The following MDGA2 variants were observed in gnomAD, a reference collection of about 807,000 sequenced individuals.
MDGA2 encodes the protein MAM domain-containing glycosylphosphatidylinositol anchor protein 2.
Under a neutral mutation model 117.8 loss-of-function variants are expected in MDGA2, and 40 were observed. That is an observed-to-expected ratio of 0.34 (90% CI 0.26 to 0.44). MDGA2 has a LOEUF of 0.44. Among genes scored for constraint, MDGA2 ranks in the 20% least tolerant of loss-of-function variants. MDGA2 has a pLI of 1.00. For synonymous variants in MDGA2, 452 were observed against 439.0 expected (o/e 1.03, Z -0.37); for missense variants, 1,123 against 1,250.6 (o/e 0.90, Z 1.54).
intron 1 of MDGA2, among the ~76,000 whole-genome samples, chr14:47,348,764 T>C (rs1451148317): frequency 6.6e-6 from 1 of 151,984 alleles, no homozygotes; most frequent in Non-Finnish European, 1.5e-5. Context: ...TTGTAGAAAT[T>C]GGTGGCAAGA....
chr14:47,046,610 TA>T (rs1889275636), intron 7 of MDGA2, among the ~76,000 whole-genome samples: 1 of 150,820 alleles, frequency 6.6e-6, no homozygotes, highest in South Asian at 2.1e-4. Context: ...TAAAAATAAA[TA>T]AATAAATAAA....
chr14:47,413,673 T>TG (rs1449686004), intron 1 of MDGA2, among the ~76,000 whole-genome samples: 1 of 150,978 alleles, frequency 6.6e-6, no homozygotes, highest in Non-Finnish European at 1.5e-5. Context: ...GTTTTTGGTT[T>TG]TTTTTTTTTT....
intron 2 of MDGA2, among the ~76,000 whole-genome samples, chr14:47,232,523 C>A (rs375004096): frequency 6.6e-5 from 10 of 151,952 alleles, no homozygotes; most frequent in Admixed American, 6.6e-4. Context: ...GCAATTGAAC[C>A]CTGACTGATA....
At chr14:47,526,410 A>T (rs1269848128) in intron 1 of MDGA2, among the ~76,000 whole-genome samples, 1 of 152,122 alleles carries the variant, frequency 6.6e-6, no homozygotes, top group African/African-American at 2.4e-5. Flanking sequence ...GGGATTTGTT[A>T]GGGATGGTGT....
At chr14:47,327,298 G>C (rs1467633856) in intron 1 of MDGA2, among the ~76,000 whole-genome samples, 2 of 152,190 alleles carry the variant, frequency 1.3e-5, no homozygotes, top group Non-Finnish European at 1.5e-5. Flanking sequence ...AAGCCAGGTA[G>C]ACAGGGTTAG....
At chr14:47,356,361 T>C (rs1594814164) in intron 1 of MDGA2, among the ~76,000 whole-genome samples, 1 of 152,190 alleles carries the variant, frequency 6.6e-6, no homozygotes, top group Non-Finnish European at 1.5e-5. Context: ...AAGCCCTCCA[T>C]ATGACACCTT....
intron 1 of MDGA2, among the ~76,000 whole-genome samples, chr14:47,367,614 T>A (rs527391349): frequency 6.6e-6 from 1 of 152,358 alleles, no homozygotes; most frequent in South Asian, 2.1e-4. Flanking sequence ...GAGGTTTCCA[T>A]GGGCAAGCCA....
chr14:46,962,814 CA>C (rs1472895636), intron 8 of MDGA2, among the ~76,000 whole-genome samples: 15 of 151,726 alleles, frequency 9.9e-5, no homozygotes, highest in African/African-American at 3.1e-4. Flanking sequence ...AGTAAAATGC[CA>C]AATATGAACT....
At chr14:47,326,820 G>C (rs1195821430) in intron 1 of MDGA2, among the ~76,000 whole-genome samples, 1 of 152,022 alleles carries the variant, frequency 6.6e-6, no homozygotes, top group Non-Finnish European at 1.5e-5. Context: ...TTGATCCCTG[G>C]AGTTAAATAA....
At chr14:47,334,299 T>A (rs1457984595) in intron 1 of MDGA2, among the ~76,000 whole-genome samples, 1 of 151,934 alleles carries the variant, frequency 6.6e-6, no homozygotes, top group African/African-American at 2.4e-5. Context: ...TATACATTCA[T>A]TATTAAAAAT....
intron 3 of MDGA2, among the ~76,000 whole-genome samples, chr14:47,168,475 C>T (rs1309867023): frequency 6.6e-6 from 1 of 151,962 alleles, no homozygotes; most frequent in Non-Finnish European, 1.5e-5. Flanking sequence ...TGGGTATTCT[C>T]AACTGATATA....
At chr14:47,174,860 G>C (rs1015239758) in intron 3 of MDGA2, among the ~76,000 whole-genome samples, 4 of 152,092 alleles carry the variant, frequency 2.6e-5, no homozygotes, top group Admixed American at 1.3e-4. Context: ...GAATCCAGGA[G>C]CGGGTTTTTT....
In MDGA2 at chr14:46,842,897, A is replaced by C. The variant is rs907781178; in HGVS notation, c.2990-878T>G. Among the ~76,000 whole-genome samples, 3 of 152,232 alleles carry C rather than the reference A, an allele frequency of 2.0e-5. No homozygotes were observed. In the East Asian group the frequency reaches 5.8e-4, roughly 29 times the overall value. Reference sequence around the variant, plus strand: ...GCCTTCAGGCTGGTCTGTACTTAGAATATAATATTCATTTAATAATCATCA... The same window carrying C: ...GCCTTCAGGCTGGTCTGTACTTAGACTATAATATTCATTTAATAATCATCA... On this transcript the variant is annotated intron_variant, in intron 16 of 16. Transcript: ENST00000399232.
At chr14:47,510,564 G>A (rs2138692219) in intron 1 of MDGA2, among the ~76,000 whole-genome samples, 1 of 152,222 alleles carries the variant, frequency 6.6e-6, no homozygotes, top group African/African-American at 2.4e-5. Context: ...AAAAATCTGA[G>A]GTAATCAGAA....
At chr14:47,223,439 A>T (rs1379646453) in intron 2 of MDGA2, among the ~76,000 whole-genome samples, 1 of 152,190 alleles carries the variant, frequency 6.6e-6, no homozygotes, top group East Asian at 1.9e-4. Context: ...ACTACTGCTT[A>T]AGATTGTTTA....
chr14:47,646,297 A>T (rs1311814873), intron 1 of MDGA2, among the ~76,000 whole-genome samples: 1 of 152,046 alleles, frequency 6.6e-6, no homozygotes, highest in Non-Finnish European at 1.5e-5. Flanking sequence ...TACTTCATTA[A>T]GCTTTTCATA....
chr14:47,648,940 A>G (rs980752178), intron 1 of MDGA2, among the ~76,000 whole-genome samples: 3 of 152,168 alleles, frequency 2.0e-5, no homozygotes, highest in Admixed American at 2.0e-4. Context: ...TTATATTAAC[A>G]TCAATTGTAC....
intron 8 of MDGA2, 136 bp downstream of exon 8, chr14:47,034,875 C>A (rs890640619): frequency 1.3e-6 from 1 of 766,684 alleles, no homozygotes; most frequent in Admixed American, 2.8e-5. Flanking sequence ...AGAAATAGTT[C>A]ATTCAATCCA....
chr14:46,861,338 C>T (rs1308268812), intron 14 of MDGA2, among the ~76,000 whole-genome samples: 4 of 151,856 alleles, frequency 2.6e-5, no homozygotes, highest in South Asian at 4.2e-4. Context: ...TATAGGGTAT[C>T]GTGCCAGTAC....
Sources: gnomAD v4.1 joint callset for allele counts (sites outside exome capture counted in the v4.1 genomes callset) on GRCh38, gnomAD v4.1.1 for gene constraint, MANE v1.5 for transcripts, NCBI Gene and HGNC (gene_info 2026-07-23, HGNC 2026-07-21) for gene names.